Variants in MACROD2 observed in about 807,000 individuals in gnomAD.
MACROD2 encodes ADP-ribose glycohydrolase MACROD2.
Under a neutral mutation model 70.4 loss-of-function variants are expected in MACROD2, and 36 were observed. The observed-to-expected ratio is 0.51, with a 90% CI of 0.39 to 0.68. The LOEUF is 0.68. Ranked by LOEUF, MACROD2 falls within the 30% of genes least tolerant of loss-of-function variation. The probability of loss-of-function intolerance (pLI) is 0.00; values close to 1 mark genes in which losing one functional copy is unlikely to be tolerated. For synonymous variants in MACROD2, 172 were observed against 178.8 expected (o/e 0.96, Z 0.30); for missense variants, 496 against 538.4 (o/e 0.92, Z 0.78).
intron 3 of MACROD2, among the ~76,000 whole-genome samples, chr20:14,477,586 G>C (rs1366059477): frequency 6.6e-6 from 1 of 151,902 alleles, no homozygotes; most frequent in Non-Finnish European, 1.5e-5. Flanking sequence ...TTTTTTTAAA[G>C]AAAAAATTGT....
chr20:16,041,358 T>C (rs1182084604), intron 16 of MACROD2, 80 bp downstream of exon 16: 4 of 1,137,674 alleles, frequency 3.5e-6, no homozygotes, highest in African/African-American at 1.6e-5. Flanking sequence ...TTAAGGGAAC[T>C]ATCTGTTCTA....
At chr20:14,179,537 C>T (rs994172972) in intron 3 of MACROD2, among the ~76,000 whole-genome samples, 1 of 152,078 alleles carries the variant, frequency 6.6e-6, no homozygotes, top group East Asian at 1.9e-4. Flanking sequence ...TTGATTCACT[C>T]ATTTATTTAC....
At chr20:14,266,605 GT>G (rs538455633) in intron 3 of MACROD2, among the ~76,000 whole-genome samples, 1 of 151,910 alleles carries the variant, frequency 6.6e-6, no homozygotes, top group Non-Finnish European at 1.5e-5. Context: ...CTCTCTTCAA[GT>G]TTAGTAAAAA....
At chr20:15,918,516 AT>A (rs1254708097) in intron 10 of MACROD2, among the ~76,000 whole-genome samples, 1 of 152,224 alleles carries the variant, frequency 6.6e-6, no homozygotes, top group Non-Finnish European at 1.5e-5. Context: ...AAGAAAACCT[AT>A]TACAGCCTAA....
intron 5 of MACROD2, among the ~76,000 whole-genome samples, chr20:15,051,541 C>A (rs1384647705): frequency 6.6e-6 from 1 of 152,118 alleles, no homozygotes; most frequent in African/African-American, 2.4e-5. Context: ...TTCAGGAAAA[C>A]CTCAGTTTTG....
chr20:15,262,124 T>C (rs2077254657), intron 6 of MACROD2, among the ~76,000 whole-genome samples: 1 of 152,008 alleles, frequency 6.6e-6, no homozygotes, highest in Non-Finnish European at 1.5e-5. Flanking sequence ...TCTGTTATGC[T>C]ATCAAATACT....
At chr20:14,287,537 A>G (rs1432761018) in intron 3 of MACROD2, among the ~76,000 whole-genome samples, 1 of 152,188 alleles carries the variant, frequency 6.6e-6, no homozygotes, top group Non-Finnish European at 1.5e-5. Context: ...ATATTAATAA[A>G]CTAGTTTTCT....
rs71190190 is a variant in MACROD2 at position 15,560,762 on chromosome 20, CAAAAAAAAAAAAAAA to C, written c.645+60930_645+60944del. Among the ~76,000 whole-genome samples the C allele has an allele frequency of 9.1e-4, 20 of 22,084 alleles. No individual in the cohort carries two copies. In the East Asian group the frequency reaches 9.2e-3, roughly 10 times the overall value. The allele number at this position is 22,084 out of a possible 152,430, so 14.5% of individuals were successfully genotyped here. A position where few individuals can be genotyped will look rare whatever the true frequency, so the allele number is the denominator to read the frequency against. ...TGGGCCACAGGGCATAACAAAGTCT[CAAAAAAAAAAAAAAA>C]AAAAAAAAAAAAAAGACTGATCATA... On this transcript the variant is annotated intron_variant, in intron 8 of 17. Coordinates refer to ENST00000684519, the MANE Select transcript of MACROD2 (RefSeq NM_001351661.2).
chr20:14,252,074 C>T (rs1004219913), intron 3 of MACROD2, among the ~76,000 whole-genome samples: 6 of 152,044 alleles, frequency 3.9e-5, no homozygotes, highest in African/African-American at 1.4e-4. Flanking sequence ...TATGGACACA[C>T]TGCCTTGGGG....
intron 4 of MACROD2, among the ~76,000 whole-genome samples, chr20:14,652,487 T>C (rs1242257090): frequency 6.6e-6 from 1 of 152,194 alleles, no homozygotes; most frequent in African/African-American, 2.4e-5. Flanking sequence ...CAGTATGAGA[T>C]TGACTATTGA....
intron 3 of MACROD2, among the ~76,000 whole-genome samples, chr20:14,311,841 C>T (rs771653288): frequency 8.6e-5 from 13 of 151,978 alleles, no homozygotes; most frequent in East Asian, 1.9e-4. Context: ...TTGTTGAGGA[C>T]GTTCTTCCTT....
chr20:14,733,706 G>A (rs1389144056), intron 5 of MACROD2, among the ~76,000 whole-genome samples: 2 of 152,158 alleles, frequency 1.3e-5, no homozygotes, highest in East Asian at 3.9e-4. Flanking sequence ...ACCTGCAGAA[G>A]CAATTATAAA....
chr20:14,123,200 C>G (rs2054606530), intron 3 of MACROD2, among the ~76,000 whole-genome samples: 1 of 152,090 alleles, frequency 6.6e-6, no homozygotes, highest in Non-Finnish European at 1.5e-5. Context: ...CTGAATGTTA[C>G]AAAACTTTAA....
intron 13 of MACROD2, among the ~76,000 whole-genome samples, chr20:15,969,136 T>G (rs144107322): frequency 3.2e-4 from 49 of 152,112 alleles, no homozygotes; most frequent in Non-Finnish European, 5.7e-4. Flanking sequence ...GTGGACTGCT[T>G]CCCAGCTTCA....
intron 8 of MACROD2, among the ~76,000 whole-genome samples, chr20:15,620,913 T>C (rs2049115439): frequency 6.6e-6 from 1 of 152,094 alleles, no homozygotes; most frequent in Non-Finnish European, 1.5e-5. Context: ...AAGCAGTAGA[T>C]GAGTCTCAGG....
At chr20:14,308,120 G>T (rs1369164257) in intron 3 of MACROD2, among the ~76,000 whole-genome samples, 1 of 152,122 alleles carries the variant, frequency 6.6e-6, no homozygotes, top group African/African-American at 2.4e-5. Context: ...CTCTCACAAT[G>T]TGCTGATTGC....
intron 3 of MACROD2, among the ~76,000 whole-genome samples, chr20:14,243,170 C>T (rs888740428): frequency 2.6e-5 from 4 of 152,206 alleles, no homozygotes; most frequent in Non-Finnish European, 5.9e-5. Context: ...GTTTTACATA[C>T]AGACTATAAA....
chr20:15,092,603 C>G (rs1473013489), intron 5 of MACROD2, among the ~76,000 whole-genome samples: 1 of 151,506 alleles, frequency 6.6e-6, no homozygotes, highest in South Asian at 2.1e-4. Context: ...TATTGGAAAA[C>G]TTCAGTTTAA....
chr20:14,102,271 G>T (rs2054311575), intron 3 of MACROD2, among the ~76,000 whole-genome samples: 1 of 151,846 alleles, frequency 6.6e-6, no homozygotes, highest in African/African-American at 2.4e-5. Flanking sequence ...GAAAGTGCTG[G>T]GATTACAGGC....
Sources: allele counts gnomAD v4.1 joint callset (sites outside exome capture counted in the v4.1 genomes callset), GRCh38; gene constraint gnomAD v4.1.1; transcripts MANE v1.5; gene names NCBI Gene and HGNC (gene_info 2026-07-23, HGNC 2026-07-21).